Variants in ZNF84 observed in about 807,000 individuals in gnomAD.
The protein encoded by ZNF84 is zinc finger protein 84.
In ZNF84, 12 loss-of-function variants were observed where a neutral mutation model predicts 14.8. The ratio of observed to expected loss-of-function variants is 0.81; its 90% CI spans 0.52 to 1.31. The LOEUF is 1.31. Ranked by LOEUF, ZNF84 falls within the 50% of genes most tolerant of loss-of-function variation. The pLI is 0.00. For missense variants in ZNF84, 859 were observed against 878.6 expected, an observed-to-expected ratio of 0.98 and a Z score of 0.28; for synonymous variants, 347 against 291.1, an observed-to-expected ratio of 1.19 and a Z score of -1.96.
intron 4 of ZNF84, among the ~76,000 whole-genome samples, chr12:133,054,067 A>G (rs1478717079): frequency 6.6e-6 from 1 of 152,238 alleles, no homozygotes; most frequent in Non-Finnish European, 1.5e-5. Context: ...TTTTTATTGA[A>G]AAATGGGCCC....
At chr12:133,039,183 T>C (rs1407625521) in intron 1 of ZNF84, 1 of 152,232 alleles carries the variant, frequency 6.6e-6, no homozygotes, top group Non-Finnish European at 1.5e-5. Context: ...AAAGGAGTCA[T>C]TTCTTGTATA....
chr12:133,058,819 C>CA lies in ZNF84; in HGVS notation c.2105dup (p.Arg703GlufsTer13). The CA allele has an allele frequency of 6.2e-7, 1 of 1,614,040 alleles. No individual in the cohort carries two copies. Among genetic ancestry groups the CA allele is most frequent in the South Asian group, 1.1e-5 (1 of 91,080 alleles). ...TCAGAAGTCACAGCTGGTTAATCATCAGAGAATTCATACAGGAGAGAAGCC... is the reference window on the plus strand; with the variant it reads ...TCAGAAGTCACAGCTGGTTAATCATCAAGAGAATTCATACAGGAGAGAAGCC... On this transcript the variant is annotated frameshift_variant, in exon 5 of 5. Transcript: ENST00000539354. LOFTEE classifies it high-confidence loss of function.
In ZNF84 at chr12:133,062,939, C is replaced by G; in HGVS notation, c.*4007C>G. ...TTAATGCCTATTGAATCTATATGAA[C>G]CTGTACGTGTGTTTCTCACTGTGAT... On this transcript the variant is annotated 3_prime_UTR_variant, in exon 5 of 5. Transcript: ENST00000539354. 1 of 607,572 alleles carries G rather than the reference C, an allele frequency of 1.6e-6. No individual in the cohort carries two copies. Among genetic ancestry groups the G allele is most frequent in the Non-Finnish European group, 2.9e-6 (1 of 341,816 alleles). 37.6% of individuals were successfully genotyped at this position (607,572 alleles called of 1,614,324 possible). A position where few individuals can be genotyped will look rare whatever the true frequency, so the allele number is the denominator to read the frequency against.
chr12:133,040,907 T>C (rs1953875556), intron 1 of ZNF84: 1 of 152,302 alleles, frequency 6.6e-6, no homozygotes, highest in Non-Finnish European at 1.5e-5. Flanking sequence ...GAAATTTGTT[T>C]GTTTTTGCCA....
At position 133,056,975 on chromosome 12, in the gene ZNF84, A is replaced by G; in HGVS notation, c.260A>G (p.Asn87Ser). The stretch of plus-strand genomic sequence containing the variant: ...ATAGAAGTCTGGAAAGTAGATGGTA[A>G]CATGATGTGGCACCAGGATAACCAA... Reference protein sequence around the residue: ...DSPEVWKVDGNMMWHQDNQDK... With the variant: ...DSPEVWKVDGSMMWHQDNQDK... The change falls in exon 5 of 5, where the codon AAC becomes AGC. Residue 87 changes from asparagine to serine, a missense_variant. By Grantham distance (46) the Asn-to-Ser change is conservative. Coordinates refer to ENST00000539354, the MANE Select transcript of ZNF84 (RefSeq NM_001289971.2). The G allele has an allele frequency of 6.3e-7, 1 of 1,585,170 alleles. No homozygotes were observed. Among genetic ancestry groups the G allele is most frequent in the South Asian group, 1.2e-5 (1 of 85,350 alleles).
At chr12:133,049,479 GT>G (rs760336284) in intron 4 of ZNF84, among the ~76,000 whole-genome samples, 1 of 150,960 alleles carries the variant, frequency 6.6e-6, no homozygotes, top group Non-Finnish European at 1.5e-5. Flanking sequence ...TCCCTTTCTT[GT>G]TTTTTTTGTT....
intron 4 of ZNF84, among the ~76,000 whole-genome samples, chr12:133,055,690 A>G (rs2137409504): frequency 1.3e-5 from 2 of 152,362 alleles, no homozygotes; most frequent in Non-Finnish European, 2.9e-5. Flanking sequence ...TGAACAAAGT[A>G]AAAATGTAAT....
At chr12:133,055,479 A>C (rs1296655541) in intron 4 of ZNF84, among the ~76,000 whole-genome samples, 1 of 152,172 alleles carries the variant, frequency 6.6e-6, no homozygotes, top group African/African-American at 2.4e-5. Flanking sequence ...TTCATCTGTT[A>C]GCCAGTAATA....
At chr12:133,055,290 TG>T (rs1954134836) in intron 4 of ZNF84, among the ~76,000 whole-genome samples, 1 of 152,134 alleles carries the variant, frequency 6.6e-6, no homozygotes, top group East Asian at 1.9e-4. Flanking sequence ...AAACATCCTA[TG>T]AATTGTTTCA....
intron 4 of ZNF84, among the ~76,000 whole-genome samples, chr12:133,056,293 A>G (rs1020183336): frequency 9.2e-5 from 14 of 151,828 alleles, no homozygotes; most frequent in Admixed American, 7.9e-4. Context: ...TTGCTCTGTT[A>G]CCCAGGCTGG....
chr12:133,059,076 C>A lies in ZNF84; in HGVS notation c.*144C>A. 2.5e-6 allele frequency: 2 copies of A among 812,300 alleles called. No individual in the cohort carries two copies. The highest frequency in any genetic ancestry group is 3.7e-5 in the South Asian group (2 of 53,424). 50.3% of individuals were successfully genotyped at this position (812,300 alleles called of 1,614,324 possible). A position where few individuals can be genotyped will look rare whatever the true frequency, so the allele number is the denominator to read the frequency against. ...CTAAATGAGGTGGTGTATGGAAAGC[C>A]GATCATAATTCATAGAGTAGAGTGA... On this transcript the variant is annotated 3_prime_UTR_variant, in exon 5 of 5. Transcript: ENST00000539354.
intron 3 of ZNF84, 85 bp from the exon 4 acceptor site, chr12:133,048,668 C>T: frequency 1.0e-6 from 1 of 1,001,216 alleles, no homozygotes; most frequent in South Asian, 1.4e-5. Flanking sequence ...ACCAGGCCAA[C>T]TTTGATGTGA....
Position 133,057,860 on chromosome 12 carries a change from A to T in ZNF84, c.1145A>T (p.Lys382Ile). 2 of 1,613,478 alleles carry T rather than the reference A, an allele frequency of 1.2e-6. No homozygotes were observed. The highest frequency in any genetic ancestry group is 1.7e-6 in the Non-Finnish European group (2 of 1,179,510). ...TKPFGCSDCR[K>I]AFFEKSELIR... ...CCCTTTGGATGTAGTGATTGTAGAA[A>T]AGCATTCTTTGAGAAGTCAGAGCTT... The change falls in exon 5 of 5, where the codon AAA (lysine) becomes ATA (isoleucine). Residue 382 changes from lysine (K) to isoleucine (I), a missense_variant. Transcript: ENST00000539354.
In ZNF84 at chr12:133,060,732, A is replaced by G. The variant is rs1954247588; in HGVS notation, c.*1800A>G. On this transcript the variant is annotated 3_prime_UTR_variant, in exon 5 of 5. Transcript: ENST00000539354. Reference sequence around the variant, plus strand: ...TTTGAAATGTATTTGACTTTGTTTCACTAGTTGCATTATCCCCATGGAAAA... The same window carrying G: ...TTTGAAATGTATTTGACTTTGTTTCGCTAGTTGCATTATCCCCATGGAAAA... 1 of 152,242 alleles carries G rather than the reference A, an allele frequency of 6.6e-6. No individual in the cohort carries two copies. The highest frequency in any genetic ancestry group is 1.5e-5 in the Non-Finnish European group (1 of 68,030). The allele number at this position is 152,242 out of a possible 1,614,324, so 9.4% of individuals were successfully genotyped here.
rs1954223027 is a variant in ZNF84, at chr12:133,059,593, A to G, written c.*661A>G. 2 of 152,354 alleles carry G rather than the reference A, an allele frequency of 1.3e-5. No homozygotes were observed. The highest frequency in any genetic ancestry group is 3.9e-4 in the East Asian group (2 of 5,186). 9.4% of individuals were successfully genotyped at this position (152,354 alleles called of 1,614,324 possible). ...AAATACGTGAATAAATTGGTTATTG[A>G]AACATCTAAGACATTTCTTAGTGGT... On this transcript the variant is annotated 3_prime_UTR_variant, in exon 5 of 5. Transcript: ENST00000539354.
At chr12:133,041,847 G>A (rs891676782) in intron 2 of ZNF84, among the ~76,000 whole-genome samples, 2 of 152,144 alleles carry the variant, frequency 1.3e-5, no homozygotes, top group African/African-American at 2.4e-5. Flanking sequence ...CTTGGTTATC[G>A]GGTGTCCATT....
At position 133,062,320 on chromosome 12, in the gene ZNF84, T is replaced by G. The variant is rs899136473; in HGVS notation, c.*3388T>G. The G allele has an allele frequency of 6.6e-6, 1 of 152,246 alleles. No individual in the cohort carries two copies. Among genetic ancestry groups the G allele is most frequent in the Non-Finnish European group, 1.5e-5 (1 of 68,052 alleles). The allele number at this position is 152,246 out of a possible 1,614,324, so 9.4% of individuals were successfully genotyped here. On this transcript the variant is annotated 3_prime_UTR_variant, in exon 5 of 5. Transcript: ENST00000539354. Reference sequence around the variant, plus strand: ...ATGGGTCCATATATTTGTGATACTTTGGTTTCGGGAACATCACTTTTAGAA... The same window carrying G: ...ATGGGTCCATATATTTGTGATACTTGGGTTTCGGGAACATCACTTTTAGAA...
chr12:133,038,558 C>CAATAA (rs1953830201), intron 1 of ZNF84, among the ~76,000 whole-genome samples: 1 of 142,266 alleles, frequency 7.0e-6, no homozygotes. Context: ...AAGACCCTGT[C>CAATAA]AAAAAAAAAA....
chr12:133,047,252 A>G (rs1037726271), intron 2 of ZNF84, among the ~76,000 whole-genome samples: 4 of 151,922 alleles, frequency 2.6e-5, no homozygotes, highest in Non-Finnish European at 5.9e-5. Context: ...ACTAGTGTTA[A>G]TTTTTTTAAC....
Sources: allele counts gnomAD v4.1 joint callset (sites outside exome capture counted in the v4.1 genomes callset), GRCh38; gene constraint gnomAD v4.1.1; transcripts MANE v1.5; gene names NCBI Gene and HGNC (gene_info 2026-07-23, HGNC 2026-07-21).